UPP2: variants seen among roughly 807,000 people sequenced by gnomAD.
UPP2 encodes the protein UPase 2.
Under a neutral mutation model 26.7 loss-of-function variants are expected in UPP2, and 23 were observed. The observed-to-expected ratio is 0.86, with a 90% CI of 0.62 to 1.22. The LOEUF (loss-of-function observed/expected upper bound fraction) is 1.22, where lower values mean the gene tolerates loss of function less well. UPP2 is among the 50% of genes most tolerant of loss of function. UPP2 has a pLI of 0.00. For missense variants in UPP2, 387 were observed against 396.7 expected (o/e 0.98, Z 0.21); for synonymous variants, 127 against 141.3 (o/e 0.90, Z 0.72).
rs1439773535 is a variant in UPP2 at position 158,058,406 on chromosome 2, CTCT to C, written c.147+42521_147+42523del. 9.2e-4 allele frequency among the ~76,000 whole-genome samples: 11 copies of C among 11,986 alleles called. 1 individual carries two copies. In the African/African-American group the frequency reaches 0.018, roughly 20 times the overall value. 7.9% of individuals were successfully genotyped at this position (11,986 alleles called of 152,430 possible). A position where few individuals can be genotyped will look rare whatever the true frequency, so the allele number is the denominator to read the frequency against. ...TCTCTCTCTCTCTCTCTCTCTCTCT[CTCT>C]CCCCCCAACCTGTGTGTGTGTGTGT... On this transcript the variant is annotated intron_variant, in intron 3 of 9. Coordinates refer to the UPP2 transcript ENST00000605860.
At chr2:158,072,641 GAGACAGACAGACAGACAGAC>G (rs34853147) in intron 3 of UPP2, among the ~76,000 whole-genome samples, 1 of 150,038 alleles carries the variant, frequency 6.7e-6, no homozygotes, top group East Asian at 2.0e-4. Flanking sequence ...CAGAGAGAAA[GAGACAGACAGACAGACAGAC>G]AGACAGACAG....
intron 3 of UPP2, among the ~76,000 whole-genome samples, chr2:158,069,607 T>TAGC (rs1429619041): frequency 6.6e-6 from 1 of 152,192 alleles, no homozygotes; most frequent in African/African-American, 2.4e-5. Flanking sequence ...TGTTCTTTTG[T>TAGC]AGCAGAATCT....
At chr2:158,071,850 G>A (rs758505886) in intron 3 of UPP2, among the ~76,000 whole-genome samples, 1 of 152,130 alleles carries the variant, frequency 6.6e-6, no homozygotes, top group Non-Finnish European at 1.5e-5. Context: ...GTGGGTCTTG[G>A]GTGAGAGTGT....
In UPP2 at chr2:158,123,907, G is replaced by A. The variant is rs372390669; in HGVS notation, c.811+12G>A. ...CTGTGGTCTAAAAGGTAAGCTTTTCGTGAATGCTTAGGGTCAAATTCTCCT... is the reference window on the plus strand; with the variant it reads ...CTGTGGTCTAAAAGGTAAGCTTTTCATGAATGCTTAGGGTCAAATTCTCCT... On this transcript the variant is annotated intron_variant, in intron 6 of 6. Coordinates refer to ENST00000005756, the MANE Select transcript of UPP2 (RefSeq NM_173355.4). 1.2e-5 allele frequency: 20 copies of A among 1,610,996 alleles called. No homozygotes were observed. The highest frequency in any genetic ancestry group is 1.0e-4 in the Admixed American group (6 of 59,658).
chr2:158,097,693 G>A (rs1011328149), upstream of UPP2, among the ~76,000 whole-genome samples: 2 of 152,144 alleles, frequency 1.3e-5, no homozygotes, highest in African/African-American at 2.4e-5. Flanking sequence ...CTCGGGGGAA[G>A]GTATCTGTGC....
chr2:158,007,746 G>C (rs1275662221), intron 2 of UPP2, among the ~76,000 whole-genome samples: 1 of 151,730 alleles, frequency 6.6e-6, no homozygotes, highest in Non-Finnish European at 1.5e-5. Flanking sequence ...TCAGCCTCCT[G>C]AGTAGCTGGG....
intron 3 of UPP2, among the ~76,000 whole-genome samples, chr2:158,041,431 C>T (rs552027344): frequency 6.6e-6 from 1 of 151,814 alleles, no homozygotes; most frequent in Non-Finnish European, 1.5e-5. Flanking sequence ...GTCATTTCTG[C>T]AAAAATATTA....
intron 6 of UPP2, among the ~76,000 whole-genome samples, chr2:158,130,839 T>A (rs1683803206): frequency 1.3e-5 from 2 of 152,196 alleles, no homozygotes. Context: ...CATCCCCAAT[T>A]GTGATTTAGT....
chr2:158,120,224 A>G (rs1319963852), intron 4 of UPP2, among the ~76,000 whole-genome samples: 1 of 151,960 alleles, frequency 6.6e-6, no homozygotes, highest in Non-Finnish European at 1.5e-5. Context: ...AGGACAAGAC[A>G]GTACATATTT....
chr2:158,007,482 C>A (rs887967495), intron 2 of UPP2, among the ~76,000 whole-genome samples: 5 of 152,186 alleles, frequency 3.3e-5, no homozygotes, highest in Admixed American at 1.3e-4. Context: ...TCCCTGGCAA[C>A]CAGCTTGTCT....
chr2:158,108,996 T>C (rs1018911993), intron 2 of UPP2, among the ~76,000 whole-genome samples: 19 of 151,116 alleles, frequency 1.3e-4, no homozygotes, highest in African/African-American at 4.4e-4. Context: ...TAATCTGAAG[T>C]AGAATTTTTT....
At chr2:158,009,153 C>T (rs1683538636) in intron 2 of UPP2, among the ~76,000 whole-genome samples, 1 of 152,090 alleles carries the variant, frequency 6.6e-6, no homozygotes, top group Admixed American at 6.6e-5. Flanking sequence ...ATTACTAAAG[C>T]TTTAATGAAA....
intron 3 of UPP2, among the ~76,000 whole-genome samples, chr2:158,072,641 GAGAC>G (rs34853147): frequency 0.22 from 32,361 of 150,052 alleles, 4,015 homozygotes; most frequent in African/African-American, 0.35. Flanking sequence ...CAGAGAGAAA[GAGAC>G]AGACAGACAG....
chr2:158,096,675 A>G (rs983825580), intron 3 of UPP2, among the ~76,000 whole-genome samples: 1 of 152,216 alleles, frequency 6.6e-6, no homozygotes, highest in African/African-American at 2.4e-5. Context: ...CTGTAATGTC[A>G]TATAACAGAT....
intron 6 of UPP2, among the ~76,000 whole-genome samples, chr2:158,132,093 T>A (rs1320725427): frequency 6.6e-6 from 1 of 152,234 alleles, no homozygotes; most frequent in African/African-American, 2.4e-5. Flanking sequence ...GATTTGCTGA[T>A]CATTAACTTG....
rs200564451 is a variant in UPP2, at chr2:158,074,844, T to TA, written c.148-27196_148-27195insA. 6.2e-3 allele frequency among the ~76,000 whole-genome samples: 931 copies of TA among 150,906 alleles called. 6 individuals are homozygous for TA. Among genetic ancestry groups the TA allele is most frequent in the Middle Eastern group, 0.034 (10 of 292 alleles). On this transcript the variant is annotated intron_variant, in intron 3 of 9. Transcript: ENST00000605860. The stretch of plus-strand genomic sequence containing the variant: ...GACTGAGAGAATTTTTTTTTTTTTT[T>TA]TAAAAGACCAATTGACCTGTTGCCT...
chr2:158,047,756 C>T (rs1684176938), intron 3 of UPP2, among the ~76,000 whole-genome samples: 1 of 152,190 alleles, frequency 6.6e-6, no homozygotes, highest in African/African-American at 2.4e-5. Context: ...TATCCTATTG[C>T]CACAGTGGCT....
chr2:158,090,811 C>T (rs570873959), intron 3 of UPP2, among the ~76,000 whole-genome samples: 2 of 152,264 alleles, frequency 1.3e-5, no homozygotes, highest in African/African-American at 4.8e-5. Flanking sequence ...GAGCTGATGC[C>T]ACTGAGGCCC....
intron 3 of UPP2, among the ~76,000 whole-genome samples, chr2:158,061,145 T>G (rs1230481621): frequency 1.3e-5 from 2 of 152,240 alleles, no homozygotes; most frequent in Non-Finnish European, 2.9e-5. Flanking sequence ...ACAACCCCAG[T>G]CAGATTTCTT....
Sources: allele counts gnomAD v4.1 joint callset (sites outside exome capture counted in the v4.1 genomes callset), GRCh38; gene constraint gnomAD v4.1.1; transcripts MANE v1.5; gene names NCBI Gene and HGNC (gene_info 2026-07-23, HGNC 2026-07-21).